Variants in BPIFC observed in about 807,000 individuals in gnomAD.
BPIFC encodes BPI fold-containing family C protein.
A neutral mutation model predicts 57.6 loss-of-function variants in BPIFC; 60 were observed. The ratio of observed to expected loss-of-function variants is 1.04; its 90% CI spans 0.85 to 1.29. The LOEUF (loss-of-function observed/expected upper bound fraction) is 1.29, where lower values mean the gene tolerates loss of function less well. BPIFC is among the 50% of genes most tolerant of loss of function. BPIFC has a pLI of 0.00. For synonymous variants in BPIFC, 243 were observed against 224.5 expected (o/e 1.08, Z -0.74); for missense variants, 581 against 600.5 (o/e 0.97, Z 0.34).
chr22:32,440,345 T>C (rs1934530211), intron 8 of BPIFC, among the ~76,000 whole-genome samples: 1 of 150,838 alleles, frequency 6.6e-6, no homozygotes, highest in Non-Finnish European at 1.5e-5. Flanking sequence ...TCTCACTATG[T>C]TGCCTAGGCA....
intron 7 of BPIFC, among the ~76,000 whole-genome samples, chr22:32,444,770 A>G (rs1349962077): frequency 6.6e-6 from 1 of 152,136 alleles, no homozygotes; most frequent in Non-Finnish European, 1.5e-5. Flanking sequence ...GATCTAGTTC[A>G]AGTTCTGCAT....
chr22:32,424,770 CTT>C, intron 13 of BPIFC, among the ~76,000 whole-genome samples: 1 of 123,160 alleles, frequency 8.1e-6, no homozygotes, highest in African/African-American at 3.8e-5. Context: ...TCTTCTTCTT[CTT>C]CTTCTTCTTC....
At chr22:32,463,435 A>C (rs1460620669) in intron 1 of BPIFC, among the ~76,000 whole-genome samples, 2 of 152,226 alleles carry the variant, frequency 1.3e-5, no homozygotes, top group Non-Finnish European at 2.9e-5. Context: ...ATACACAGAC[A>C]GAATAATACT....
At chr22:32,442,535 TC>T in intron 8 of BPIFC, 135 bp downstream of exon 8, 1 of 827,034 alleles carries the variant, frequency 1.2e-6, no homozygotes, top group Non-Finnish European at 1.9e-6. Context: ...CCAAGCACCT[TC>T]CCGGGGCTCT....
intron 7 of BPIFC, among the ~76,000 whole-genome samples, chr22:32,443,852 G>C (rs984118684): frequency 5.3e-5 from 8 of 152,210 alleles, no homozygotes; most frequent in African/African-American, 1.4e-4. Context: ...CATTGAGTAA[G>C]TGTTAGCCGT....
chr22:32,415,433 A>G (rs964492074), intron 16 of BPIFC, among the ~76,000 whole-genome samples: 3 of 152,244 alleles, frequency 2.0e-5, no homozygotes, highest in African/African-American at 7.2e-5. Context: ...TGAATGCATA[A>G]TGATGAGCCG....
rs994100691 is a variant in BPIFC, at chr22:32,435,733, C to A, written c.895G>T (p.Val299Phe). Residue 299 changes from valine (V) to phenylalanine (F), a missense_variant, in exon 10 of 17, where the codon GTT (valine) becomes TTT (phenylalanine). Val to Phe is a conservative substitution (Grantham distance 50, BLOSUM62 -1). Transcript: ENST00000300399. ...TCGGTGGAGAGAGTGACATTGAAAA[C>A]CCCAGCTGTGAAATGAGCAAAGGAC... Reference protein sequence around the residue: ...SASFAHFTAGVFNVTLSTEEI... With the variant: ...SASFAHFTAGFFNVTLSTEEI... 20 of 1,613,890 alleles carry A rather than the reference C, an allele frequency of 1.2e-5. No homozygotes were observed. The highest frequency in any genetic ancestry group is 6.7e-5 in the Admixed American group (4 of 59,964).
chr22:32,444,059 G>A (rs533213782), intron 7 of BPIFC, among the ~76,000 whole-genome samples: 24 of 152,298 alleles, frequency 1.6e-4, no homozygotes, highest in African/African-American at 5.3e-4. Flanking sequence ...GTGGCACAGA[G>A]AGAATCACAG....
chr22:32,448,667 C>T (rs573499540), intron 4 of BPIFC, among the ~76,000 whole-genome samples: 2 of 152,036 alleles, frequency 1.3e-5, no homozygotes, highest in South Asian at 2.1e-4. Flanking sequence ...CAGCTGGGCG[C>T]GGTGGCTCAC....
At chr22:32,426,094 A>G (rs1360218240) in intron 13 of BPIFC, among the ~76,000 whole-genome samples, 4 of 152,190 alleles carry the variant, frequency 2.6e-5, no homozygotes, top group Non-Finnish European at 5.9e-5. Flanking sequence ...TGATTTCTGT[A>G]TTTGCTGTCT....
At chr22:32,424,719 CTT>C (rs1933992697) in intron 13 of BPIFC, among the ~76,000 whole-genome samples, 1 of 100,858 alleles carries the variant, frequency 9.9e-6, no homozygotes, top group Non-Finnish European at 1.9e-5. Flanking sequence ...TCTTCTTCCT[CTT>C]CTTCTTCCTC....
chr22:32,431,408 T>C lies in BPIFC; in HGVS notation c.1156A>G (p.Ser386Gly), dbSNP rs1405497322. 6.3e-7 allele frequency: 1 copy of C among 1,578,016 alleles called. No individual in the cohort carries two copies. Residue 386 changes from serine (S) to glycine (G), a missense_variant, in exon 13 of 17, where the codon AGT (serine) becomes GGT (glycine). By Grantham distance (56) the Ser-to-Gly change is moderately conservative. Coordinates refer to ENST00000300399, the MANE Select transcript of BPIFC (RefSeq NM_174932.3). ...AAAATAACCAGGCCAACACTGGTAC[T>C]AGCAACCTATAGACAATAAAAGCAT... Reference protein sequence around the residue: ...ETIVSMDFVASTSVGLVILGQ... With the variant: ...ETIVSMDFVAGTSVGLVILGQ...
intron 14 of BPIFC, among the ~76,000 whole-genome samples, chr22:32,418,714 G>T (rs1425485365): frequency 6.6e-6 from 1 of 152,132 alleles, no homozygotes; most frequent in Non-Finnish European, 1.5e-5. Flanking sequence ...TGCTGCCCAT[G>T]AACTAGGCAC....
At chr22:32,459,084 T>C (rs1383323336) in intron 2 of BPIFC, among the ~76,000 whole-genome samples, 1 of 152,244 alleles carries the variant, frequency 6.6e-6, no homozygotes, top group African/African-American at 2.4e-5. Context: ...CAGGCCTTCT[T>C]TCTAGTTTGG....
intron 13 of BPIFC, among the ~76,000 whole-genome samples, chr22:32,430,272 C>T (rs937716911): frequency 6.6e-6 from 1 of 152,098 alleles, no homozygotes; most frequent in African/African-American, 2.4e-5. Flanking sequence ...AACTGAGGCT[C>T]AAGGAGGTTA....
At chr22:32,457,116 C>A (rs1016112829) in intron 3 of BPIFC, 147 bp downstream of exon 3, 16 of 893,252 alleles carry the variant, frequency 1.8e-5, no homozygotes, top group Non-Finnish European at 2.6e-5. Flanking sequence ...TCGCAGCCAT[C>A]TTAGCAGTTT....
intron 15 of BPIFC, among the ~76,000 whole-genome samples, chr22:32,416,421 G>A (rs541289876): frequency 1.2e-4 from 19 of 152,006 alleles, no homozygotes; most frequent in African/African-American, 3.1e-4. Flanking sequence ...CATTCTCCCC[G>A]GTTCCATGTT....
intron 14 of BPIFC, among the ~76,000 whole-genome samples, chr22:32,418,471 A>G (rs773763301): frequency 2.6e-5 from 4 of 151,970 alleles, no homozygotes; most frequent in Admixed American, 1.3e-4. Context: ...CCTGGCCTCT[A>G]CCCACCAAGT....
At chr22:32,431,130 T>C (rs1254051104) in intron 13 of BPIFC, among the ~76,000 whole-genome samples, 1 of 151,668 alleles carries the variant, frequency 6.6e-6, no homozygotes, top group Non-Finnish European at 1.5e-5. Flanking sequence ...TTTTTTTTTT[T>C]TTTGAGACAG....
Sources: allele counts gnomAD v4.1 joint callset (sites outside exome capture counted in the v4.1 genomes callset), GRCh38; gene constraint gnomAD v4.1.1; transcripts MANE v1.5; gene names NCBI Gene and HGNC (gene_info 2026-07-23, HGNC 2026-07-21).